Variants in HERC1 observed in about 807,000 individuals in gnomAD.
The protein encoded by HERC1 is probable E3 ubiquitin-protein ligase HERC1.
A neutral mutation model predicts 554.3 loss-of-function variants in HERC1; 160 were observed. The observed-to-expected ratio is 0.29, with a 90% confidence interval of 0.25 to 0.33. The LOEUF (loss-of-function observed/expected upper bound fraction) is 0.33, where lower values mean the gene tolerates loss of function less well. Among genes scored for constraint, HERC1 ranks in the 10% least tolerant of loss-of-function variants. The pLI is 1.00. For synonymous variants in HERC1, 2,175 were observed against 2,131.7 expected, an observed-to-expected ratio of 1.02 and a Z score of -0.56; for missense variants, 4,919 against 5,918.5, an observed-to-expected ratio of 0.83 and a Z score of 5.54.
rs763565480 is a variant in HERC1, at chr15:63,713,560, G to A, written c.4256C>T (p.Pro1419Leu). 6.2e-7 allele frequency: 1 copy of A among 1,613,992 alleles called. No homozygotes were observed. Among genetic ancestry groups the A allele is most frequent in the Non-Finnish European group, 8.5e-7 (1 of 1,179,888 alleles). ...GACCCTTCGCTCTTGCTGAGACTGA[G>A]GAGGTGGATCATCAGCTCGAGCCCC... ...GSGARADDPP[P>L]QSQQERRVST... Residue 1419 changes from proline (P) to leucine (L), a missense_variant, in exon 23 of 78, where the codon CCT (proline) becomes CTT (leucine). Physicochemically the swap from Pro to Leu is moderately conservative, Grantham distance 98 (BLOSUM62 -3). This residue lies in a region of HERC1 where 1,121 missense variants were observed against 1,244.0 expected (regional missense o/e 0.90). Coordinates refer to ENST00000443617, the MANE Select transcript of HERC1 (RefSeq NM_003922.4).
chr15:63,725,591 G>A (rs1027586014), intron 17 of HERC1, 78 bp from the exon 18 acceptor site: 61 of 1,121,584 alleles, frequency 5.4e-5, no homozygotes, highest in East Asian at 7.1e-5. Context: ...GTCTCCTACC[G>A]TACTGCAATA....
At chr15:63,788,068 G>A (rs2076515056) in intron 1 of HERC1, among the ~76,000 whole-genome samples, 1 of 151,762 alleles carries the variant, frequency 6.6e-6, no homozygotes, top group Non-Finnish European at 1.5e-5. Flanking sequence ...TAAAGAATAG[G>A]AAGTAGATCA....
chr15:63,767,214 A>T (rs1458285090), intron 2 of HERC1, among the ~76,000 whole-genome samples: 1 of 143,618 alleles, frequency 7.0e-6, no homozygotes, highest in Admixed American at 6.9e-5. Flanking sequence ...TGTTGGCCAC[A>T]CTGCTCTCGA....
intron 12 of HERC1, among the ~76,000 whole-genome samples, chr15:63,742,906 T>C (rs1019732298): frequency 3.9e-5 from 6 of 152,232 alleles, no homozygotes; most frequent in African/African-American, 1.4e-4. Flanking sequence ...TACTGAAGAA[T>C]GCATCAGAGT....
chr15:63,809,954 G>C (rs2077250898), intron 1 of HERC1, among the ~76,000 whole-genome samples: 1 of 152,040 alleles, frequency 6.6e-6, no homozygotes. Context: ...TGTGATTACA[G>C]GTGTGAGCCA....
chr15:63,739,251 G>C (rs531481261), intron 12 of HERC1, among the ~76,000 whole-genome samples: 1 of 142,870 alleles, frequency 7.0e-6, no homozygotes, highest in Non-Finnish European at 1.5e-5. Flanking sequence ...AGGCTGGAGT[G>C]CAGTGGCGTG....
chr15:63,770,631 C>A (rs1337315535), intron 2 of HERC1, among the ~76,000 whole-genome samples: 1 of 152,200 alleles, frequency 6.6e-6, no homozygotes, highest in South Asian at 2.1e-4. Context: ...AAATTCATTA[C>A]ATATGTGTGG....
At chr15:63,788,435 T>G (rs1342350081) in intron 1 of HERC1, among the ~76,000 whole-genome samples, 1 of 152,224 alleles carries the variant, frequency 6.6e-6, no homozygotes, top group Non-Finnish European at 1.5e-5. Flanking sequence ...GGAAGAATTC[T>G]ATCATGACTT....
chr15:63,659,720 C>G lies in HERC1; in HGVS notation c.9424+16G>C. The G allele has an allele frequency of 6.3e-7, 1 of 1,583,220 alleles. No homozygotes were observed. Among genetic ancestry groups the G allele is most frequent in the Non-Finnish European group, 8.7e-7 (1 of 1,152,534 alleles). ...TAGATGCTATAAAATCAATGCAAAT[C>G]AGGATTTCAGTTTACCTATTTGCAT... On this transcript the variant is annotated intron_variant, in intron 47 of 77. Coordinates refer to ENST00000443617, the MANE Select transcript of HERC1 (RefSeq NM_003922.4).
chr15:63,686,284 C>A, intron 34 of HERC1, 75 bp downstream of exon 34: 2 of 1,080,682 alleles, frequency 1.9e-6, no homozygotes, highest in East Asian at 2.4e-5. Flanking sequence ...AGTCTTTCTA[C>A]ACATTTATTA....
chr15:63,610,298 A>C (rs1338391101), intron 77 of HERC1, among the ~76,000 whole-genome samples: 1 of 152,146 alleles, frequency 6.6e-6, no homozygotes, highest in Non-Finnish European at 1.5e-5. Context: ...AACGCAGAAA[A>C]ACTGAAAGCA....
At position 63,624,339 on chromosome 15, in the gene HERC1, G is replaced by T; in HGVS notation, c.13276-12C>A. 6.4e-7 allele frequency: 1 copy of T among 1,569,194 alleles called. No homozygotes were observed. Among genetic ancestry groups the T allele is most frequent in the Non-Finnish European group, 8.7e-7 (1 of 1,154,642 alleles). On this transcript the variant is annotated splice_polypyrimidine_tract_variant and intron_variant, in intron 71 of 77. Transcript: ENST00000443617. ...TGGGATGTGCTGTTCTGTAACAGAA[G>T]GTACGGTTATCAGAAATGGTACAAT...
intron 3 of HERC1, among the ~76,000 whole-genome samples, chr15:63,761,747 G>A (rs1427534310): frequency 6.6e-6 from 1 of 152,158 alleles, no homozygotes; most frequent in African/African-American, 2.4e-5. Flanking sequence ...CTGTTTATGT[G>A]TCTATGTGTG....
At chr15:63,774,435 G>T (rs962031208) in intron 2 of HERC1, among the ~76,000 whole-genome samples, 2 of 152,090 alleles carry the variant, frequency 1.3e-5, no homozygotes, top group African/African-American at 4.8e-5. Context: ...AAAGTTAGAT[G>T]AATTTCCCTA....
In HERC1 at chr15:63,674,736, C is replaced by T; in HGVS notation, c.7452G>A (p.Gly2484=). Residue 2484 remains glycine (G), a synonymous_variant, in exon 38 of 78, where the codon GGG becomes GGA. Coordinates refer to ENST00000443617, the MANE Select transcript of HERC1 (RefSeq NM_003922.4). The part of the protein sequence containing the change: ...SVESQHQITE[G]KRKNHEHMSK... ...ACATGTGTTCATGATTTTTTCTTTT[C>T]CCTTCTGTTATTTGATGTTGGGATT... The T allele has an allele frequency of 1.9e-6, 3 of 1,613,370 alleles. No individual in the cohort carries two copies. The highest frequency in any genetic ancestry group is 2.5e-6 in the Non-Finnish European group (3 of 1,179,686).
intron 1 of HERC1, among the ~76,000 whole-genome samples, chr15:63,804,987 C>T (rs2077095515): frequency 6.6e-6 from 1 of 151,464 alleles, no homozygotes; most frequent in Admixed American, 6.6e-5. Flanking sequence ...TCATACACTG[C>T]TGGTAGAAAT....
chr15:63,790,778 CTT>C (rs375859669), intron 1 of HERC1, among the ~76,000 whole-genome samples: 11 of 128,540 alleles, frequency 8.6e-5, no homozygotes, highest in Admixed American at 2.3e-4. Context: ...GTAGGGTTTT[CTT>C]TTTTTTTTTT....
At chr15:63,723,390 C>A (rs2073902618) in intron 18 of HERC1, 35 bp from the exon 19 acceptor site, 1 of 1,416,716 alleles carries the variant, frequency 7.1e-7, no homozygotes, top group Non-Finnish European at 9.5e-7. Context: ...ATTTTAACAT[C>A]ATAAATTTTG....
intron 1 of HERC1, among the ~76,000 whole-genome samples, chr15:63,828,839 C>A (rs985867213): frequency 1.3e-5 from 2 of 152,112 alleles, no homozygotes; most frequent in African/African-American, 4.8e-5. Flanking sequence ...AAATAACTAA[C>A]CTAAGTAACT....
Sources: allele counts gnomAD v4.1 joint callset (sites outside exome capture counted in the v4.1 genomes callset), GRCh38; gene constraint gnomAD v4.1.1; regional missense constraint gnomAD v4.1.1; transcripts MANE v1.5; gene names NCBI Gene and HGNC (gene_info 2026-07-23, HGNC 2026-07-21).